The following ARHGAP10 variants were observed in gnomAD, a reference collection of about 807,000 sequenced individuals.
ARHGAP10 encodes Rho GTPase activating protein 10.
A neutral mutation model predicts 108.6 loss-of-function variants in ARHGAP10; 87 were observed. The observed-to-expected ratio is 0.80, with a 90% CI of 0.67 to 0.96. ARHGAP10 has a LOEUF of 0.96. Ranked by LOEUF, ARHGAP10 falls within the 40% of genes least tolerant of loss-of-function variation. The pLI is 0.00. For synonymous variants in ARHGAP10, 347 were observed against 341.1 expected, an observed-to-expected ratio of 1.02 and a Z score of -0.19; for missense variants, 939 against 954.5, an observed-to-expected ratio of 0.98 and a Z score of 0.21.
chr4:147,757,999 T>C (rs1424994258), intron 1 of ARHGAP10, among the ~76,000 whole-genome samples: 1 of 152,194 alleles, frequency 6.6e-6, no homozygotes, highest in East Asian at 1.9e-4. Flanking sequence ...TGCACCCCTA[T>C]TGGTTTTATA....
At chr4:148,062,982 C>T (rs754948894) in intron 20 of ARHGAP10, among the ~76,000 whole-genome samples, 166 bp from the exon 21 acceptor site, 4 of 152,044 alleles carry the variant, frequency 2.6e-5, no homozygotes, top group Non-Finnish European at 5.9e-5. Flanking sequence ...TGTTGGTATC[C>T]GTAGTTTGGG....
chr4:147,749,198 G>A (rs554492539), intron 1 of ARHGAP10, among the ~76,000 whole-genome samples: 1 of 152,298 alleles, frequency 6.6e-6, no homozygotes, highest in East Asian at 1.9e-4. Context: ...AATGAAGACT[G>A]TGATTCCTGT....
chr4:147,783,698 TTA>T (rs1730665842), intron 1 of ARHGAP10, among the ~76,000 whole-genome samples: 6 of 128,490 alleles, frequency 4.7e-5, no homozygotes, highest in African/African-American at 2.3e-4. Flanking sequence ...ACACATTAAA[TTA>T]TGTATTGTAT....
intron 1 of ARHGAP10, among the ~76,000 whole-genome samples, chr4:147,775,675 C>T (rs981187567): frequency 1.3e-5 from 2 of 152,130 alleles, no homozygotes; most frequent in African/African-American, 4.8e-5. Flanking sequence ...CTGGCTCTGC[C>T]ACTCAGCCTA....
In ARHGAP10 at chr4:147,965,120, A is replaced by C; in HGVS notation, c.1547A>C (p.His516Pro). Reference sequence around the variant, plus strand: ...GAGATGTTGGATATTTTGGTGAAACACTTAACAAAGTAAGCCTCTTTTTCT... The same window carrying C: ...GAGATGTTGGATATTTTGGTGAAACCCTTAACAAAGTAAGCCTCTTTTTCT... ...NKEMLDILVKHLTNVSNHSKQ... is the reference protein window; with the variant it reads ...NKEMLDILVKPLTNVSNHSKQ... The change falls in exon 17 of 23, where the codon CAC becomes CCC. Residue 516 changes from histidine (H) to proline (P), a missense_variant. By Grantham distance (77) the His-to-Pro change is moderately conservative. Transcript: ENST00000336498. 6.2e-7 allele frequency: 1 copy of C among 1,601,224 alleles called. No individual in the cohort carries two copies. Among genetic ancestry groups the C allele is most frequent in the Non-Finnish European group, 8.5e-7 (1 of 1,173,202 alleles).
At chr4:147,741,792 G>GCACACACACACA (rs112095776) in intron 1 of ARHGAP10, among the ~76,000 whole-genome samples, 162 of 57,658 alleles carry the variant, frequency 2.8e-3, no homozygotes, top group Admixed American at 5.4e-3. Context: ...ACACACACAC[G>GCACACACACACA]CACACACACA....
At chr4:147,903,311 T>C (rs1736326831) in intron 10 of ARHGAP10, among the ~76,000 whole-genome samples, 1 of 152,172 alleles carries the variant, frequency 6.6e-6, no homozygotes, top group African/African-American at 2.4e-5. Flanking sequence ...GAGACTACTT[T>C]TTAAAGAATA....
At chr4:147,739,724 C>T (rs931716142) in intron 1 of ARHGAP10, among the ~76,000 whole-genome samples, 2 of 151,576 alleles carry the variant, frequency 1.3e-5, no homozygotes, top group Non-Finnish European at 2.9e-5. Flanking sequence ...CTGTTTGTCA[C>T]CTTATATCTT....
At chr4:147,749,175 G>A (rs959783750) in intron 1 of ARHGAP10, among the ~76,000 whole-genome samples, 2 of 152,118 alleles carry the variant, frequency 1.3e-5, no homozygotes, top group East Asian at 1.9e-4. Context: ...GATGAAATTG[G>A]CAAGAGGGTG....
chr4:147,875,600 T>A (rs1735026127), intron 8 of ARHGAP10, among the ~76,000 whole-genome samples: 1 of 152,212 alleles, frequency 6.6e-6, no homozygotes, highest in Admixed American at 6.5e-5. Flanking sequence ...TGCCTCTCTG[T>A]CATCTTAAGG....
intron 18 of ARHGAP10, among the ~76,000 whole-genome samples, chr4:147,992,417 A>AT (rs1248014909): frequency 2.6e-5 from 4 of 151,702 alleles, no homozygotes; most frequent in Admixed American, 6.6e-5. Context: ...TTTAAATTTA[A>AT]TTTTTTTTGT....
At chr4:147,851,046 C>G (rs964492733) in intron 4 of ARHGAP10, among the ~76,000 whole-genome samples, 5 of 152,078 alleles carry the variant, frequency 3.3e-5, no homozygotes, top group African/African-American at 1.2e-4. Flanking sequence ...AGCAGCAGCA[C>G]ACAGATGACA....
intron 15 of ARHGAP10, among the ~76,000 whole-genome samples, chr4:147,947,227 CT>C (rs34782915): frequency 0.23 from 23,006 of 101,576 alleles, 2,400 homozygotes; most frequent in African/African-American, 0.36. Flanking sequence ...GAGTCACTGT[CT>C]TTTTTTTTTT....
intron 18 of ARHGAP10, among the ~76,000 whole-genome samples, chr4:147,989,525 C>A (rs1287991603): frequency 6.6e-6 from 1 of 152,078 alleles, no homozygotes; most frequent in Non-Finnish European, 1.5e-5. Flanking sequence ...AGAGACCTAC[C>A]CCTAGGTGCG....
chr4:147,833,127 C>T (rs764144210), intron 3 of ARHGAP10, among the ~76,000 whole-genome samples: 3 of 152,180 alleles, frequency 2.0e-5, no homozygotes, highest in Non-Finnish European at 4.4e-5. Flanking sequence ...AATGATGCAT[C>T]TCCAGTATTT....
intron 18 of ARHGAP10, among the ~76,000 whole-genome samples, chr4:147,974,074 C>T (rs1057346908): frequency 6.6e-6 from 1 of 152,128 alleles, no homozygotes; most frequent in Non-Finnish European, 1.5e-5. Context: ...ATTGCTGGAT[C>T]ATATGGTAGC....
At chr4:147,778,484 T>C (rs1730398038) in intron 1 of ARHGAP10, among the ~76,000 whole-genome samples, 1 of 152,222 alleles carries the variant, frequency 6.6e-6, no homozygotes, top group Non-Finnish European at 1.5e-5. Context: ...GCAAAAGTTA[T>C]GCTAACTGAA....
chr4:147,864,961 G>C lies in ARHGAP10; in HGVS notation c.597+5G>C. On this transcript the variant is annotated splice_donor_5th_base_variant and intron_variant, in intron 6 of 22. Transcript: ENST00000336498. ...AAGTTTGAGTTTGTGGAACCTGTGA[G>C]TATTGCCAAGTTGTTTGCTGGTGGA... 1 of 1,607,158 alleles carries C rather than the reference G, an allele frequency of 6.2e-7. No homozygotes were observed.
At chr4:147,906,568 G>A (rs1026191200) in intron 10 of ARHGAP10, 70 bp from the exon 11 acceptor site, 3 of 1,515,352 alleles carry the variant, frequency 2.0e-6, no homozygotes, top group African/African-American at 2.7e-5. Context: ...GGTTACAACA[G>A]TTAAATCTTA....
Sources: gnomAD v4.1 joint callset for allele counts (sites outside exome capture counted in the v4.1 genomes callset) on GRCh38, gnomAD v4.1.1 for gene constraint, MANE v1.5 for transcripts, NCBI Gene and HGNC (gene_info 2026-07-23, HGNC 2026-07-21) for gene names.